Variants in SREBF2 observed in about 807,000 individuals in gnomAD.
SREBF2 encodes the protein sterol regulatory element binding transcription factor 2, also known as sterol regulatory element-binding protein 2.
SREBF2 carries 55 observed loss-of-function variants against 113.1 expected under a neutral mutation model. That is an observed-to-expected ratio of 0.49 (90% CI 0.39 to 0.61). The LOEUF (loss-of-function observed/expected upper bound fraction) is 0.61, where lower values mean the gene tolerates loss of function less well. SREBF2 is among the 20% of genes least tolerant of loss of function. The pLI is 0.00. For synonymous variants in SREBF2, 593 were observed against 605.7 expected (o/e 0.98, Z 0.31); for missense variants, 1,349 against 1,487.4 (o/e 0.91, Z 1.53).
Position 41,894,902 on chromosome 22 carries a change from CAAG to C in SREBF2, c.2467_2469del (p.Lys823del), listed in dbSNP as rs1487285072. On this transcript the variant is annotated inframe_deletion, in exon 13 of 19. Coordinates refer to ENST00000361204, the MANE Select transcript of SREBF2 (RefSeq NM_004599.4). ...TAGAGTCCTTGGTGAAACCTCAGGC[CAAG>C]AAGAAGGCTGGAGACCAGGAAGAAG... The C allele has an allele frequency of 6.2e-7, 1 of 1,613,898 alleles. No individual in the cohort carries two copies. Among genetic ancestry groups the C allele is most frequent in the Admixed American group, 1.7e-5 (1 of 59,998 alleles).
chr22:41,882,113 T>C (rs1472411747), intron 10 of SREBF2, among the ~76,000 whole-genome samples: 1 of 151,850 alleles, frequency 6.6e-6, no homozygotes. Context: ...AGGCTAGAGC[T>C]AGAGAGGCCA....
At chr22:41,890,675 T>A (rs903731584) in intron 11 of SREBF2, among the ~76,000 whole-genome samples, 26 of 151,952 alleles carry the variant, frequency 1.7e-4, no homozygotes, top group Middle Eastern at 6.8e-3. Flanking sequence ...AAAAAAAATT[T>A]TTTTTTTTTT....
Position 41,900,292 on chromosome 22 carries a change from A to G in SREBF2, c.2739-38A>G, listed in dbSNP as rs746778890. The G allele has an allele frequency of 5.0e-6, 8 of 1,604,770 alleles. No individual in the cohort carries two copies. In the South Asian group the frequency reaches 5.5e-5, roughly 11 times the overall value. On this transcript the variant is annotated intron_variant, in intron 15 of 18. Coordinates refer to ENST00000361204, the MANE Select transcript of SREBF2 (RefSeq NM_004599.4). ...CCTCTGCCTGTCACGCAGGTGACAC[A>G]TAGTGACCTGCCTCTCGACTCCCTG...
Position 41,866,968 on chromosome 22 carries a change from G to T in SREBF2, c.226G>T (p.Gly76Cys), listed in dbSNP as rs765717734. The T allele has an allele frequency of 6.2e-7, 1 of 1,614,060 alleles. No individual in the cohort carries two copies. Among genetic ancestry groups the T allele is most frequent in the Non-Finnish European group, 8.5e-7 (1 of 1,179,960 alleles). ...TGGCAGCAGCAGCAGCAGCAGCAATGGCAGGGGCAGCAGCAGCGGAGCTGT... is the reference window on the plus strand; with the variant it reads ...TGGCAGCAGCAGCAGCAGCAGCAATTGCAGGGGCAGCAGCAGCGGAGCTGT... ...SSGSSSSSSN[G>C]RGSSSGAVDP... The change falls in exon 2 of 19, where the codon GGC becomes TGC. Residue 76 changes from glycine (G) to cysteine (C), a missense_variant. This residue lies in a region of SREBF2 where 699 missense variants were observed against 843.3 expected (regional missense o/e 0.83). Coordinates refer to ENST00000361204, the MANE Select transcript of SREBF2 (RefSeq NM_004599.4).
At chr22:41,904,598 C>T (rs1001179142) in intron 17 of SREBF2, 2 of 652,398 alleles carry the variant, frequency 3.1e-6, no homozygotes, top group Admixed American at 2.1e-5. Context: ...GAGGTGCGTC[C>T]AGGGCTTTCT....
chr22:41,898,993 C>G, intron 15 of SREBF2: 1 of 718,144 alleles, frequency 1.4e-6, no homozygotes, highest in African/African-American at 1.7e-5. Context: ...CTGCACAACA[C>G]GACAGTTGTC....
chr22:41,886,701 C>T (rs1425168494), intron 11 of SREBF2, among the ~76,000 whole-genome samples: 1 of 152,116 alleles, frequency 6.6e-6, no homozygotes, highest in African/African-American at 2.4e-5. Context: ...GTCTATTGTT[C>T]ATCATTTCAG....
intron 1 of SREBF2, among the ~76,000 whole-genome samples, chr22:41,864,443 C>A (rs1602298783): frequency 6.7e-6 from 1 of 149,654 alleles, no homozygotes; most frequent in Non-Finnish European, 1.5e-5. Context: ...GACTCAGCCT[C>A]CCGAGTAGCT....
At chr22:41,846,344 T>C (rs1475460307) in intron 1 of SREBF2, among the ~76,000 whole-genome samples, 2 of 152,200 alleles carry the variant, frequency 1.3e-5, no homozygotes, top group Admixed American at 6.5e-5. Context: ...ATCTGTATAT[T>C]GTCTCTGCTT....
chr22:41,887,811 C>T (rs931693015), intron 11 of SREBF2, among the ~76,000 whole-genome samples: 1 of 152,144 alleles, frequency 6.6e-6, no homozygotes, highest in Non-Finnish European at 1.5e-5. Context: ...TCTAGTTCTA[C>T]ATCCTTACCG....
At chr22:41,888,616 G>A (rs1208179092) in intron 11 of SREBF2, among the ~76,000 whole-genome samples, 4 of 152,174 alleles carry the variant, frequency 2.6e-5, no homozygotes, top group Admixed American at 1.3e-4. Context: ...TTCTACAGAG[G>A]TACTTGATGC....
rs1174473976 is a variant in SREBF2, at chr22:41,859,799, C to CTTTT, written c.89-7006_89-7003dup. On this transcript the variant is annotated intron_variant, in intron 1 of 18. Coordinates refer to ENST00000361204, the MANE Select transcript of SREBF2 (RefSeq NM_004599.4). ...GTTCCAAGGCTAGGATATGGTGATT[C>CTTTT]TTTTTTTTTTTTTTTTTTTTTTTTT... Among the ~76,000 whole-genome samples the CTTTT allele has an allele frequency of 1.9e-3, 101 of 54,370 alleles. 14 individuals carry two copies. Among genetic ancestry groups the CTTTT allele is most frequent in the East Asian group, 5.8e-3 (8 of 1,388 alleles). 35.7% of individuals were successfully genotyped at this position (54,370 alleles called of 152,430 possible).
rs775558846 is a variant in SREBF2 at position 41,877,402 on chromosome 22, T to C, written c.1560T>C (p.Ser520=). The C allele has an allele frequency of 1.2e-6, 2 of 1,614,226 alleles. No homozygotes were observed. The highest frequency in any genetic ancestry group is 3.3e-5 in the Admixed American group (2 of 60,034). The change falls in exon 8 of 19, where the codon AGT becomes AGC. Residue 520 remains serine, a synonymous_variant. Coordinates refer to ENST00000361204, the MANE Select transcript of SREBF2 (RefSeq NM_004599.4). ...DQHPHSGSGR[S]VLSFESGSGG... ...ACCCACACTCAGGCTCTGGCCGCAG[T>C]GTCCTGTCATTCGAGTCAGGTAGGT...
intron 2 of SREBF2, among the ~76,000 whole-genome samples, chr22:41,868,204 A>T (rs1316418250): frequency 1.3e-5 from 2 of 152,206 alleles, no homozygotes; most frequent in East Asian, 3.8e-4. Context: ...GAGTTCAAGA[A>T]TTGGGACAGG....
chr22:41,864,044 C>G (rs2077048167), intron 1 of SREBF2, among the ~76,000 whole-genome samples: 1 of 150,320 alleles, frequency 6.7e-6, no homozygotes, highest in Non-Finnish European at 1.5e-5. Flanking sequence ...ACCACCATGC[C>G]TGGCTAATTT....
chr22:41,903,055 G>C lies in SREBF2; in HGVS notation c.2993G>C (p.Gly998Ala). ...QKQASASQAV[G>A]ETYHASGAEL... ...CAGGCCAGTGCCAGCCAGGCTGTGG[G>C]GGAGACCTACCACGCGTCAGGCGCT... Residue 998 changes from glycine (G) to alanine (A), a missense_variant, in exon 17 of 19, where the codon GGG becomes GCG. Physicochemically the swap from Gly to Ala is moderately conservative, Grantham distance 60. Around this residue, in one of 2 missense-constraint regions of SREBF2, gnomAD observed 650 missense variants for 644.1 expected, o/e 1.01. Transcript: ENST00000361204. The C allele has an allele frequency of 1.9e-6, 3 of 1,606,606 alleles. No individual in the cohort carries two copies. The highest frequency in any genetic ancestry group is 2.5e-6 in the Non-Finnish European group (3 of 1,176,834).
intron 2 of SREBF2, 65 bp downstream of exon 2, chr22:41,867,345 A>G (rs373464275): frequency 2.6e-6 from 4 of 1,545,280 alleles, no homozygotes; most frequent in Admixed American, 3.3e-5. Flanking sequence ...GTTTGCAGAC[A>G]CTGTAAATAT....
In SREBF2 at chr22:41,905,429, C is replaced by T; in HGVS notation, c.3206-11C>T. 2.6e-6 allele frequency: 4 copies of T among 1,563,846 alleles called. No individual in the cohort carries two copies. The highest frequency in any genetic ancestry group is 3.5e-6 in the Non-Finnish European group (4 of 1,156,600). On this transcript the variant is annotated splice_polypyrimidine_tract_variant and intron_variant, in intron 18 of 18. Coordinates refer to ENST00000361204, the MANE Select transcript of SREBF2 (RefSeq NM_004599.4). ...AGATTCTCGGTTGTGACACACATCT[C>T]CTTCCCACAGGAGAGGTGGATGCCT...
intron 14 of SREBF2, 63 bp downstream of exon 14, chr22:41,897,224 G>T: frequency 1.8e-6 from 2 of 1,141,424 alleles, no homozygotes; most frequent in South Asian, 1.3e-5. Flanking sequence ...CAGTGCTTTT[G>T]CCCCAGGGGT....
Sources: allele counts gnomAD v4.1 joint callset (sites outside exome capture counted in the v4.1 genomes callset), GRCh38; gene constraint gnomAD v4.1.1; regional missense constraint gnomAD v4.1.1; transcripts MANE v1.5; gene names NCBI Gene and HGNC (gene_info 2026-07-23, HGNC 2026-07-21).